ALK: variants seen among roughly 807,000 people sequenced by gnomAD.
The protein encoded by ALK is ALK tyrosine kinase receptor.
Under a neutral mutation model 163.1 loss-of-function variants are expected in ALK, and 74 were observed. The ratio of observed to expected loss-of-function variants is 0.45; its 90% CI spans 0.38 to 0.55. ALK has a LOEUF of 0.55. Among genes scored for constraint, ALK ranks in the 20% least tolerant of loss-of-function variants. The pLI, the probability that ALK is intolerant of heterozygous loss-of-function variation, is 0.00. For synonymous variants in ALK, 960 were observed against 843.2 expected, an observed-to-expected ratio of 1.14 and a Z score of -2.40; for missense variants, 2,063 against 2,105.3, an observed-to-expected ratio of 0.98 and a Z score of 0.39.
At chr2:29,631,053 T>C (rs906118790) in intron 3 of ALK, among the ~76,000 whole-genome samples, 1 of 152,034 alleles carries the variant, frequency 6.6e-6, no homozygotes, top group African/African-American at 2.4e-5. Flanking sequence ...ACGGTGAGAC[T>C]GTACTAACTG....
At chr2:29,398,579 G>C (rs530065794) in intron 4 of ALK, among the ~76,000 whole-genome samples, 143 of 152,154 alleles carry the variant, frequency 9.4e-4, no homozygotes, top group Non-Finnish European at 1.7e-3. Flanking sequence ...CTGGGGATGA[G>C]GCTGTAAAAC....
In ALK at chr2:29,735,435, G is replaced by C. The variant is rs1281379003; in HGVS notation, c.668-17738C>G. On this transcript the variant is annotated intron_variant, in intron 1 of 28. Transcript: ENST00000389048. Reference sequence around the variant, plus strand: ...AAACAACTTAAATATCTAGCAATAGGTTAAATGATTTAGAAAATAATAGTA... The same window carrying C: ...AAACAACTTAAATATCTAGCAATAGCTTAAATGATTTAGAAAATAATAGTA... 3.3e-5 allele frequency among the ~76,000 whole-genome samples: 5 copies of C among 152,112 alleles called. No individual in the cohort carries two copies. The East Asian group carries it at 7.7e-4, about 23-fold the overall frequency.
At chr2:29,608,961 G>A (rs890022008) in intron 3 of ALK, among the ~76,000 whole-genome samples, 1 of 152,124 alleles carries the variant, frequency 6.6e-6, no homozygotes, top group Admixed American at 6.5e-5. Context: ...GTCTTGCTCT[G>A]TCATTCAGGC....
intron 5 of ALK, among the ~76,000 whole-genome samples, chr2:29,330,222 T>C (rs1667398969): frequency 6.6e-6 from 1 of 152,170 alleles, no homozygotes; most frequent in Non-Finnish European, 1.5e-5. Flanking sequence ...TTGCTTTGCC[T>C]CTCCCTCTGC....
At chr2:29,193,962 A>C in intron 28 of ALK, 40 bp from the exon 29 acceptor site, 1 of 1,592,636 alleles carries the variant, frequency 6.3e-7, no homozygotes, top group Non-Finnish European at 8.6e-7. Context: ...AATCAGAGAC[A>C]AAAAATGTTG....
intron 3 of ALK, among the ~76,000 whole-genome samples, chr2:29,627,496 C>T (rs1344725251): frequency 6.6e-6 from 1 of 151,602 alleles, no homozygotes; most frequent in Non-Finnish European, 1.5e-5. Flanking sequence ...CAGCAGTGGG[C>T]CAGGGAATTG....
At chr2:29,479,993 C>T (rs996941943) in intron 4 of ALK, among the ~76,000 whole-genome samples, 9 of 152,182 alleles carry the variant, frequency 5.9e-5, no homozygotes, top group African/African-American at 2.2e-4. Context: ...TTCAACTAAC[C>T]GTTCCTGGGC....
At chr2:29,520,788 G>A (rs1211774081) in intron 4 of ALK, among the ~76,000 whole-genome samples, 1 of 152,154 alleles carries the variant, frequency 6.6e-6, no homozygotes, top group African/African-American at 2.4e-5. Flanking sequence ...GGCTCAGGAG[G>A]GGTGAGGCTT....
chr2:29,193,269 A>G lies in ALK; in HGVS notation c.4818T>C (p.Asp1606=), dbSNP rs1455937166. 1.2e-6 allele frequency: 2 copies of G among 1,614,162 alleles called. No individual in the cohort carries two copies. Among genetic ancestry groups the G allele is most frequent in the Non-Finnish European group, 1.7e-6 (2 of 1,180,010 alleles). The change falls in exon 29 of 29, where the codon GAT becomes GAC. Residue 1606 remains aspartate, a synonymous_variant. Transcript: ENST00000389048. ...ATAPGAGHYE[D]TILKSKNSMN... is the part of the protein sequence containing the mutation. ...TGCTATTCTTGCTTTTCAGAATGGTATCCTCGTAATGACCAGCTCCAGGGG... is the reference window on the plus strand; with the variant it reads ...TGCTATTCTTGCTTTTCAGAATGGTGTCCTCGTAATGACCAGCTCCAGGGG...
At chr2:29,517,029 A>C (rs1400053292) in intron 4 of ALK, among the ~76,000 whole-genome samples, 2 of 150,326 alleles carry the variant, frequency 1.3e-5, no homozygotes, top group African/African-American at 4.8e-5. Flanking sequence ...CCAGTCAACA[A>C]AAATTTATTG....
In ALK at chr2:29,227,016, C is replaced by G; in HGVS notation, c.2973G>C (p.Glu991Asp). ...CAGGGTCCATGTGACATTCGTCTAC[C>G]TCACAGTGACTGCAGTTTAGATAAT... ...IKHYLNCSHC[E>D]VDECHMDPES... is the part of the protein sequence containing the mutation. The change falls in exon 18 of 29, where the codon GAG (glutamate) becomes GAC (aspartate). Residue 991 changes from glutamate (E) to aspartate (D), a missense_variant. Around this residue, in one of 5 missense-constraint regions of ALK, gnomAD observed 575 missense variants for 626.6 expected, o/e 0.92. Transcript: ENST00000389048. This position sits in a 1 kb window ranked among gnomAD's most constrained non-coding sequence, Gnocchi z 4.4. The G allele has an allele frequency of 6.2e-7, 1 of 1,614,188 alleles. No individual in the cohort carries two copies.
At chr2:29,496,052 C>T (rs952147804) in intron 4 of ALK, among the ~76,000 whole-genome samples, 6 of 152,152 alleles carry the variant, frequency 3.9e-5, no homozygotes, top group Admixed American at 6.5e-5. Flanking sequence ...CCTTTGCGGC[C>T]GCCTTTTTCC....
At chr2:29,451,332 T>C (rs952734786) in intron 4 of ALK, among the ~76,000 whole-genome samples, 2 of 152,152 alleles carry the variant, frequency 1.3e-5, no homozygotes, top group Non-Finnish European at 2.9e-5. Flanking sequence ...ACTTCAATAA[T>C]GTTACTCCTT....
rs369165796 is a variant in ALK, at chr2:29,725,639, CT to C, written c.668-7943del. 8.8e-3 allele frequency among the ~76,000 whole-genome samples: 1,286 copies of C among 145,478 alleles called. 15 individuals carry two copies. Among genetic ancestry groups the C allele is most frequent in the African/African-American group, 0.03 (1,192 of 39,884 alleles). ...TCTGTTGTTTATGTTGATTTCTTTT[CT>C]TTTTTTTTTTGCTCATTGATTTAGA... On this transcript the variant is annotated intron_variant, in intron 1 of 28. Transcript: ENST00000389048.
chr2:29,782,685 C>G (rs1345315021), intron 1 of ALK, among the ~76,000 whole-genome samples: 1 of 152,148 alleles, frequency 6.6e-6, no homozygotes, highest in Non-Finnish European at 1.5e-5. Context: ...TTCCCATCAG[C>G]CATCAAGCAG....
chr2:29,588,248 T>C (rs1277011276), intron 3 of ALK, among the ~76,000 whole-genome samples: 1 of 152,134 alleles, frequency 6.6e-6, no homozygotes, highest in African/African-American at 2.4e-5. Context: ...ATTTTTATTT[T>C]TGAGATAGAG....
rs184236844 is a variant in ALK at position 29,877,687 on chromosome 2, A to C, written c.667+42306T>G. ...TGGCTCAGAATTTCACAGACGTAGC[A>C]GCATATCATGGGTGACGACCCCACT... On this transcript the variant is annotated intron_variant, in intron 1 of 28. Transcript: ENST00000389048. Among the ~76,000 whole-genome samples the C allele has an allele frequency of 5.3e-5, 8 of 152,298 alleles. No homozygotes were observed. In the East Asian group the frequency reaches 1.5e-3, roughly 29 times the overall value.
At chr2:29,616,552 G>A (rs370509487) in intron 3 of ALK, among the ~76,000 whole-genome samples, 3 of 152,158 alleles carry the variant, frequency 2.0e-5, no homozygotes, top group African/African-American at 7.2e-5. Flanking sequence ...CAAAGGTTAA[G>A]GGGAAAAGAT....
intron 15 of ALK, among the ~76,000 whole-genome samples, chr2:29,230,314 TG>T (rs1664161867): frequency 6.6e-6 from 1 of 151,608 alleles, no homozygotes; most frequent in South Asian, 2.1e-4. Flanking sequence ...TGAGTATTTT[TG>T]ATCTGTGGTT....
Sources: allele counts gnomAD v4.1 joint callset (sites outside exome capture counted in the v4.1 genomes callset), GRCh38; gene constraint gnomAD v4.1.1; regional missense constraint gnomAD v4.1.1; non-coding constraint Gnocchi (gnomAD v3.1); transcripts MANE v1.5; gene names NCBI Gene and HGNC (gene_info 2026-07-23, HGNC 2026-07-21).